Variants in PTP4A1 observed in about 807,000 individuals in gnomAD.
The protein encoded by PTP4A1 is protein tyrosine phosphatase type IVA 1.
In PTP4A1, 9 loss-of-function variants were observed where a neutral mutation model predicts 20.5. The observed-to-expected ratio is 0.44, with a 90% CI of 0.26 to 0.77. PTP4A1 has a LOEUF of 0.77. PTP4A1 is among the 30% of genes least tolerant of loss of function. The probability of loss-of-function intolerance (pLI) is 0.19; values close to 1 mark genes in which losing one functional copy is unlikely to be tolerated. For synonymous variants in PTP4A1, 78 were observed against 67.4 expected (o/e 1.16, Z -0.77); for missense variants, 137 against 218.8 (o/e 0.63, Z 2.36).
upstream of PTP4A1, among the ~76,000 whole-genome samples, chr6:63,518,539 G>A (rs1446064654): frequency 1.3e-5 from 2 of 152,260 alleles, no homozygotes; most frequent in South Asian, 2.1e-4. Flanking sequence ...GAAAAAGAGG[G>A]TGGGGGCAAT....
At chr6:63,546,460 C>A (rs1776184394) in intron 2 of PTP4A1, among the ~76,000 whole-genome samples, 1 of 152,192 alleles carries the variant, frequency 6.6e-6, no homozygotes, top group South Asian at 2.1e-4. Flanking sequence ...AATCCCAGCA[C>A]TTTGGGTAGC....
rs1581953033 is a variant in PTP4A1 at position 63,581,368 on chromosome 6, G to C, written c.*1194G>C. ...GATGTGTGGTTATAGTTCTGTGGGAGAAATAATTTTGTCAGTGTTCACCAG... is the reference window on the plus strand; with the variant it reads ...GATGTGTGGTTATAGTTCTGTGGGACAAATAATTTTGTCAGTGTTCACCAG... On this transcript the variant is annotated 3_prime_UTR_variant, in exon 6 of 6. Coordinates refer to ENST00000626021, the MANE Select transcript of PTP4A1 (RefSeq NM_003463.5). 1.3e-5 allele frequency: 2 copies of C among 152,674 alleles called. No individual in the cohort carries two copies. Among genetic ancestry groups the C allele is most frequent in the Admixed American group, 1.3e-4 (2 of 15,282 alleles). 9.5% of individuals were successfully genotyped at this position (152,674 alleles called of 1,614,324 possible).
At chr6:63,542,744 C>T (rs753035136) in intron 2 of PTP4A1, among the ~76,000 whole-genome samples, 3 of 152,130 alleles carry the variant, frequency 2.0e-5, no homozygotes, top group Non-Finnish European at 2.9e-5. Flanking sequence ...CCAACCTCTC[C>T]GCTGACCTCT....
intron 1 of PTP4A1, among the ~76,000 whole-genome samples, chr6:63,527,428 C>A (rs945631442): frequency 6.6e-6 from 1 of 152,132 alleles, no homozygotes. Context: ...TAGTCATCTA[C>A]TATTTGATGG....
chr6:63,532,087 C>A (rs1775498365), intron 2 of PTP4A1, among the ~76,000 whole-genome samples: 1 of 152,164 alleles, frequency 6.6e-6, no homozygotes, highest in Non-Finnish European at 1.5e-5. Flanking sequence ...GCGTGAGCCA[C>A]CACGCCCGGT....
At chr6:63,558,198 A>G (rs1361578244) in intron 3 of PTP4A1, among the ~76,000 whole-genome samples, 1 of 152,130 alleles carries the variant, frequency 6.6e-6, no homozygotes, top group Non-Finnish European at 1.5e-5. Context: ...TGCAGGGTGG[A>G]TTAAATGGGA....
At chr6:63,537,416 C>T (rs796320473) in intron 2 of PTP4A1, among the ~76,000 whole-genome samples, 32 of 152,212 alleles carry the variant, frequency 2.1e-4, no homozygotes, top group African/African-American at 7.5e-4. Context: ...ATTTCAACAC[C>T]AATGCCCAGG....
intron 2 of PTP4A1, among the ~76,000 whole-genome samples, chr6:63,534,908 A>C (rs548231347): frequency 7.9e-4 from 119 of 151,208 alleles, no homozygotes; most frequent in African/African-American, 2.8e-3. Context: ...AAAAATACAA[A>C]AACTAGCTGG....
At chr6:63,555,692 C>CTT (rs35538550) in intron 3 of PTP4A1, among the ~76,000 whole-genome samples, 56 of 135,006 alleles carry the variant, frequency 4.1e-4, no homozygotes, top group African/African-American at 6.4e-4. Context: ...CAATTACACT[C>CTT]TTTTTTTTTT....
At chr6:63,572,434 T>G (rs1777497016), upstream of PTP4A1, 2 of 369,916 alleles carry the variant, frequency 5.4e-6, no homozygotes, top group East Asian at 3.9e-5. Context: ...GCTGGAGGGT[T>G]GCACGTCGCG....
chr6:63,547,652 C>T (rs2149487970), intron 2 of PTP4A1, among the ~76,000 whole-genome samples: 1 of 151,556 alleles, frequency 6.6e-6, no homozygotes, highest in South Asian at 2.1e-4. Context: ...ACTACAGGTG[C>T]CCACCACCAC....
At chr6:63,579,900 A>G (rs747737805) in intron 5 of PTP4A1, among the ~76,000 whole-genome samples, 157 bp from the exon 6 acceptor site, 19 of 152,216 alleles carry the variant, frequency 1.2e-4, no homozygotes, top group African/African-American at 2.4e-5. Flanking sequence ...TTCCATTTAC[A>G]CTGATGTGCC....
rs751346049 is a variant in PTP4A1, at chr6:63,576,960, A to G, written c.80A>G (p.Asn27Ser). The change falls in exon 2 of 6, where the codon AAT becomes AGT. Residue 27 changes from asparagine (N) to serine (S), a missense_variant. Asn to Ser is a conservative substitution (Grantham distance 46, BLOSUM62 1). Coordinates refer to ENST00000626021, the MANE Select transcript of PTP4A1 (RefSeq NM_003463.5). ...TTTCTTATTACACACAATCCAACCA[A>G]TGCGACCTTAAACAAATTTATAGAG... ...MRFLITHNPT[N>S]ATLNKFIEEL... 11 of 1,613,584 alleles carry G rather than the reference A, an allele frequency of 6.8e-6. No individual in the cohort carries two copies. The highest frequency in any genetic ancestry group is 9.3e-6 in the Non-Finnish European group (11 of 1,179,666).
At chr6:63,564,411 A>G (rs1777100078) in intron 3 of PTP4A1, among the ~76,000 whole-genome samples, 1 of 152,228 alleles carries the variant, frequency 6.6e-6, no homozygotes. Flanking sequence ...CTAGTTAAAA[A>G]GCAACTGTGT....
intron 1 of PTP4A1, among the ~76,000 whole-genome samples, chr6:63,573,875 G>C (rs1277313760): frequency 6.6e-6 from 1 of 152,184 alleles, no homozygotes. Flanking sequence ...AAGGGCCCTG[G>C]ATGGCGCCTT....
intron 3 of PTP4A1, among the ~76,000 whole-genome samples, chr6:63,555,692 CTTTTTTTTT>C (rs35538550): frequency 7.4e-6 from 1 of 135,010 alleles, no homozygotes; most frequent in African/African-American, 2.8e-5. Context: ...CAATTACACT[CTTTTTTTTT>C]TTTTTTTTTT....
rs566923383 is a variant in PTP4A1, at chr6:63,525,295, C to T, written c.-905-2524C>T. Among the ~76,000 whole-genome samples the T allele has an allele frequency of 2.0e-5, 3 of 152,236 alleles. No individual in the cohort carries two copies. The South Asian group carries it at 6.2e-4, about 32-fold the overall frequency. On this transcript the variant is annotated intron_variant, in intron 1 of 3. Transcript: ENST00000639568. ...ATATTTGGCCTTGTGATGCTGAAGC[C>T]GGTTGTGGGTAACCTCCAGTGTCAT... is the stretch of plus-strand genomic sequence containing the variant.
At chr6:63,526,776 G>A (rs905399041) in intron 1 of PTP4A1, among the ~76,000 whole-genome samples, 22 of 142,904 alleles carry the variant, frequency 1.5e-4, no homozygotes, top group African/African-American at 2.9e-4. Flanking sequence ...TCCAACCTGC[G>A]ACAGAGCAAG....
chr6:63,557,081 G>A (rs535828065), intron 3 of PTP4A1, among the ~76,000 whole-genome samples: 52 of 152,264 alleles, frequency 3.4e-4, no homozygotes, highest in African/African-American at 1.2e-3. Flanking sequence ...ACTGTGTTAA[G>A]CACAGGGAAA....
Sources: allele counts gnomAD v4.1 joint callset (sites outside exome capture counted in the v4.1 genomes callset), GRCh38; gene constraint gnomAD v4.1.1; transcripts MANE v1.5; gene names NCBI Gene and HGNC (gene_info 2026-07-23, HGNC 2026-07-21).